The following FSHR variants were observed in gnomAD, a reference collection of about 807,000 sequenced individuals.
FSHR encodes follicle stimulating hormone receptor.
A neutral mutation model predicts 52.1 loss-of-function variants in FSHR; 46 were observed. That is an observed-to-expected ratio of 0.88 (90% CI 0.70 to 1.13). FSHR has a LOEUF of 1.13. FSHR is among the 50% of genes most tolerant of loss of function. The pLI is 0.00. For missense variants in FSHR, 964 were observed against 834.6 expected, an observed-to-expected ratio of 1.16 and a Z score of -1.91; for synonymous variants, 399 against 309.6, an observed-to-expected ratio of 1.29 and a Z score of -3.03.
chr2:49,136,883 A>G (rs910493122), intron 1 of FSHR, among the ~76,000 whole-genome samples: 1 of 152,150 alleles, frequency 6.6e-6, no homozygotes, highest in Non-Finnish European at 1.5e-5. Context: ...AAAGTCATCA[A>G]TGAAAAAACC....
chr2:49,141,856 A>G (rs772913785), intron 1 of FSHR, among the ~76,000 whole-genome samples: 4 of 152,196 alleles, frequency 2.6e-5, no homozygotes, highest in Admixed American at 1.3e-4. Context: ...AAGAATGGGC[A>G]TGTTAAAATC....
At chr2:49,134,668 A>G (rs1672422083) in intron 1 of FSHR, among the ~76,000 whole-genome samples, 1 of 152,238 alleles carries the variant, frequency 6.6e-6, no homozygotes, top group African/African-American at 2.4e-5. Flanking sequence ...ACCAACCCAA[A>G]TGTCCATCAG....
At chr2:49,067,210 G>A (rs1193181843) in intron 2 of FSHR, among the ~76,000 whole-genome samples, 3 of 152,180 alleles carry the variant, frequency 2.0e-5, no homozygotes, top group South Asian at 2.1e-4. Flanking sequence ...AACTAGCACT[G>A]AAACCAGGAT....
chr2:49,053,536 T>C (rs559919557), intron 2 of FSHR, among the ~76,000 whole-genome samples: 26 of 152,286 alleles, frequency 1.7e-4, no homozygotes, highest in African/African-American at 5.5e-4. Context: ...AGCCACTTCA[T>C]GTTGCAGAGA....
At chr2:49,030,230 C>T (rs1187891928) in intron 2 of FSHR, among the ~76,000 whole-genome samples, 2 of 150,420 alleles carry the variant, frequency 1.3e-5, no homozygotes, top group South Asian at 4.2e-4. Context: ...TTGATTTCCT[C>T]CTTGACATAT....
At chr2:48,981,933 T>G (rs1305332848) in intron 8 of FSHR, among the ~76,000 whole-genome samples, 1 of 152,198 alleles carries the variant, frequency 6.6e-6, no homozygotes, top group African/African-American at 2.4e-5. Context: ...TAAGGATCAT[T>G]CAGTAAAACT....
At chr2:49,004,115 C>G (rs1009543716) in intron 4 of FSHR, among the ~76,000 whole-genome samples, 1 of 152,180 alleles carries the variant, frequency 6.6e-6, no homozygotes, top group African/African-American at 2.4e-5. Flanking sequence ...CAGGCAGGCC[C>G]TGCCAAGGAT....
chr2:49,015,801 AT>A (rs770295060), intron 4 of FSHR, among the ~76,000 whole-genome samples: 10 of 152,166 alleles, frequency 6.6e-5, no homozygotes, highest in Non-Finnish European at 1.5e-4. Context: ...TGCTGTGTAA[AT>A]AAAAATGCAG....
intron 1 of FSHR, among the ~76,000 whole-genome samples, chr2:49,085,753 G>A (rs1670358557): frequency 6.6e-6 from 1 of 152,128 alleles, no homozygotes; most frequent in South Asian, 2.1e-4. Context: ...AGAAAATGTG[G>A]CACATATACA....
intron 1 of FSHR, among the ~76,000 whole-genome samples, chr2:49,151,662 A>G (rs1673068085): frequency 6.6e-6 from 1 of 152,120 alleles, no homozygotes; most frequent in Admixed American, 6.6e-5. Context: ...GGATTAAGCA[A>G]TTGCAGTCAA....
intron 1 of FSHR, among the ~76,000 whole-genome samples, chr2:49,114,385 T>A (rs990128290): frequency 1.3e-5 from 2 of 152,122 alleles, no homozygotes; most frequent in African/African-American, 4.8e-5. Context: ...ACATAACATG[T>A]CAGAACCAGC....
intron 4 of FSHR, among the ~76,000 whole-genome samples, chr2:49,013,678 C>A (rs912704424): frequency 3.3e-5 from 5 of 151,438 alleles, no homozygotes; most frequent in Non-Finnish European, 7.4e-5. Flanking sequence ...AGATAGACAA[C>A]TCTTGGTCTC....
intron 1 of FSHR, among the ~76,000 whole-genome samples, chr2:49,093,702 C>T (rs1050091701): frequency 6.6e-6 from 1 of 151,410 alleles, no homozygotes; most frequent in African/African-American, 2.4e-5. Flanking sequence ...TCAAGCGATC[C>T]TCCCGCCTCA....
At chr2:49,152,745 G>A (rs1454580445) in intron 1 of FSHR, among the ~76,000 whole-genome samples, 1 of 152,156 alleles carries the variant, frequency 6.6e-6, no homozygotes, top group Non-Finnish European at 1.5e-5. Flanking sequence ...GGAAATTAGG[G>A]TGTAGGGGTC....
chr2:49,116,958 C>T (rs1671621484), intron 1 of FSHR, among the ~76,000 whole-genome samples: 1 of 152,196 alleles, frequency 6.6e-6, no homozygotes, highest in Non-Finnish European at 1.5e-5. Flanking sequence ...CATTTTCAAT[C>T]CAGCTAGCTC....
chr2:48,972,219 A>C (rs1183750981), intron 8 of FSHR, among the ~76,000 whole-genome samples: 1 of 152,156 alleles, frequency 6.6e-6, no homozygotes, highest in Non-Finnish European at 1.5e-5. Context: ...TCTTTCTCTC[A>C]TACCCTATAT....
intron 8 of FSHR, among the ~76,000 whole-genome samples, chr2:48,980,333 G>C: frequency 6.6e-6 from 1 of 152,194 alleles, no homozygotes; most frequent in East Asian, 1.9e-4. Flanking sequence ...CTAGACAGAT[G>C]TGTTCCTGTG....
chr2:48,987,537 G>T (rs1675565887), intron 6 of FSHR, among the ~76,000 whole-genome samples: 1 of 152,014 alleles, frequency 6.6e-6, no homozygotes. Flanking sequence ...TAAAAGGCAG[G>T]TGCTCTTCCT....
At chr2:49,042,080 G>C (rs1225535525) in intron 2 of FSHR, among the ~76,000 whole-genome samples, 1 of 152,066 alleles carries the variant, frequency 6.6e-6, no homozygotes, top group African/African-American at 2.4e-5. Flanking sequence ...GGGATGTTGG[G>C]GCTACAGTGA....
Sources: allele counts gnomAD v4.1 joint callset (sites outside exome capture counted in the v4.1 genomes callset), GRCh38; gene constraint gnomAD v4.1.1; transcripts MANE v1.5; gene names NCBI Gene and HGNC (gene_info 2026-07-23, HGNC 2026-07-21).